The following MAGI2 variants were observed in gnomAD, a reference collection of about 807,000 sequenced individuals.
The protein encoded by MAGI2 is membrane associated guanylate kinase, WW and PDZ domain containing 2.
A neutral mutation model predicts 133.3 loss-of-function variants in MAGI2; 35 were observed. The observed-to-expected ratio is 0.26, with a 90% CI of 0.20 to 0.35. MAGI2 has a LOEUF of 0.35. Ranked by LOEUF, MAGI2 falls within the 10% of genes least tolerant of loss-of-function variation. The probability of loss-of-function intolerance (pLI) is 1.00; values close to 1 mark genes in which losing one functional copy is unlikely to be tolerated. For missense variants in MAGI2, 1,636 were observed against 1,863.4 expected, an observed-to-expected ratio of 0.88 and a Z score of 2.25; for synonymous variants, 729 against 710.6, an observed-to-expected ratio of 1.03 and a Z score of -0.41.
chr7:78,391,147 C>T (rs1266955410), intron 6 of MAGI2, among the ~76,000 whole-genome samples: 2 of 152,216 alleles, frequency 1.3e-5, no homozygotes, highest in Non-Finnish European at 2.9e-5. Context: ...CTCTGAAATT[C>T]TCTCCACATC....
In MAGI2 at chr7:78,132,973, G is replaced by A. The variant is rs1445126602; in HGVS notation, c.3119C>T (p.Ala1040Val). 6.2e-7 allele frequency: 1 copy of A among 1,612,780 alleles called. No individual in the cohort carries two copies. Among genetic ancestry groups the A allele is most frequent in the Non-Finnish European group, 8.5e-7 (1 of 1,179,626 alleles). ...QSPLAQQSPL[A>V]QPSPATPNSP... ...GTTGGGGGTGGCTGGGCTTGGCTGG[G>A]CCAGGGGACTCTGCTGTGCCAGGGG... The change falls in exon 18 of 22, where the codon GCC becomes GTC. Residue 1040 changes from alanine (A) to valine (V), a missense_variant. This residue lies in a region of MAGI2 where 920 missense variants were observed against 1,093.5 expected (regional missense o/e 0.84). Coordinates refer to ENST00000354212, the MANE Select transcript of MAGI2 (RefSeq NM_012301.4).
intron 1 of MAGI2, among the ~76,000 whole-genome samples, chr7:79,345,464 A>G (rs973848072): frequency 6.6e-6 from 1 of 152,046 alleles, no homozygotes; most frequent in South Asian, 2.1e-4. Flanking sequence ...AAGCCACTCA[A>G]TTGTGGTACT....
intron 1 of MAGI2, among the ~76,000 whole-genome samples, chr7:79,234,092 T>A (rs1831643059): frequency 7.1e-6 from 1 of 141,212 alleles, no homozygotes; most frequent in Non-Finnish European, 1.5e-5. Context: ...GGGTTGAAAA[T>A]TCTTTTCTTT....
At chr7:78,306,979 T>G (rs1562794499) in intron 9 of MAGI2, among the ~76,000 whole-genome samples, 1 of 152,130 alleles carries the variant, frequency 6.6e-6, no homozygotes. Context: ...AAACCATCAT[T>G]GCCATTATTT....
intron 2 of MAGI2, among the ~76,000 whole-genome samples, chr7:78,901,695 G>T (rs987420506): frequency 3.8e-4 from 57 of 151,998 alleles, no homozygotes; most frequent in African/African-American, 1.3e-3. Context: ...AAGTAAAAGG[G>T]CTTCTATTCA....
chr7:78,129,342 A>C (rs1821312049), intron 18 of MAGI2, among the ~76,000 whole-genome samples: 1 of 143,232 alleles, frequency 7.0e-6, no homozygotes, highest in Admixed American at 7.0e-5. Flanking sequence ...TAAATTTTTT[A>C]TGAGTGTTGC....
chr7:78,462,760 G>C (rs757133713), intron 6 of MAGI2, among the ~76,000 whole-genome samples: 1 of 152,144 alleles, frequency 6.6e-6, no homozygotes, highest in Non-Finnish European at 1.5e-5. Flanking sequence ...AAATTGTAAT[G>C]CTGCTGTGTG....
At chr7:78,786,418 C>T (rs1423836485) in intron 2 of MAGI2, among the ~76,000 whole-genome samples, 1 of 152,194 alleles carries the variant, frequency 6.6e-6, no homozygotes, top group Non-Finnish European at 1.5e-5. Flanking sequence ...CAAAGAGTTC[C>T]TATTTCATTC....
At chr7:78,301,668 T>G (rs1426136216) in intron 9 of MAGI2, among the ~76,000 whole-genome samples, 1 of 152,208 alleles carries the variant, frequency 6.6e-6, no homozygotes, top group Non-Finnish European at 1.5e-5. Context: ...ATTGGAAACT[T>G]TTCTTTTTTT....
At chr7:79,386,538 G>A (rs966599397) in intron 1 of MAGI2, among the ~76,000 whole-genome samples, 6 of 151,948 alleles carry the variant, frequency 3.9e-5, no homozygotes, top group Non-Finnish European at 7.4e-5. Context: ...TAACTAACAG[G>A]TGGGGCTGAT....
chr7:78,514,502 A>G (rs1413580559), intron 4 of MAGI2, among the ~76,000 whole-genome samples: 4 of 152,184 alleles, frequency 2.6e-5, no homozygotes, highest in African/African-American at 7.2e-5. Context: ...TTCCCATTCA[A>G]TGGAGAGATA....
chr7:78,788,051 A>G (rs968986337), intron 2 of MAGI2, among the ~76,000 whole-genome samples: 1 of 152,180 alleles, frequency 6.6e-6, no homozygotes, highest in African/African-American at 2.4e-5. Flanking sequence ...ATGCCAAGGC[A>G]CAGACATGCC....
At chr7:78,510,175 T>A (rs1240472643) in intron 4 of MAGI2, among the ~76,000 whole-genome samples, 1 of 152,204 alleles carries the variant, frequency 6.6e-6, no homozygotes, top group Admixed American at 6.5e-5. Flanking sequence ...AATTCCCCGA[T>A]AACAACAGTC....
At position 78,270,580 on chromosome 7, in the gene MAGI2, T is replaced by G. The variant is rs1045627364; in HGVS notation, c.1409-13999A>C. 3.3e-5 allele frequency among the ~76,000 whole-genome samples: 5 copies of G among 152,184 alleles called. No individual in the cohort carries two copies. The South Asian group carries it at 6.2e-4, about 19-fold the overall frequency. ...TCTCTGTTTGTCTGTTATTGGTGTA[T>G]AGGAATGCTTGTGATTTTTGCACAT... On this transcript the variant is annotated intron_variant, in intron 9 of 21. Coordinates refer to ENST00000354212, the MANE Select transcript of MAGI2 (RefSeq NM_012301.4).
intron 2 of MAGI2, among the ~76,000 whole-genome samples, chr7:78,651,615 A>C (rs949541402): frequency 6.6e-6 from 1 of 152,158 alleles, no homozygotes; most frequent in Non-Finnish European, 1.5e-5. Context: ...AAGAATTAGC[A>C]TTCTATCCTA....
At chr7:78,734,364 A>G (rs1307443341) in intron 2 of MAGI2, among the ~76,000 whole-genome samples, 2 of 152,206 alleles carry the variant, frequency 1.3e-5, no homozygotes, top group African/African-American at 4.8e-5. Flanking sequence ...AGAAGGAAGC[A>G]CTAAAACCTG....
intron 1 of MAGI2, among the ~76,000 whole-genome samples, chr7:79,427,795 G>A (rs1174956316): frequency 1.3e-5 from 2 of 152,160 alleles, no homozygotes; most frequent in Non-Finnish European, 2.9e-5. Context: ...GCCATTTTAG[G>A]CAGGTGAATT....
At chr7:79,220,476 C>T (rs1014984535) in intron 1 of MAGI2, among the ~76,000 whole-genome samples, 31 of 151,954 alleles carry the variant, frequency 2.0e-4, no homozygotes, top group African/African-American at 7.5e-4. Context: ...CATACACTGA[C>T]CTCTCCTGTC....
chr7:78,119,556 T>G (rs1820217271), intron 20 of MAGI2, among the ~76,000 whole-genome samples: 1 of 26,102 alleles, frequency 3.8e-5, no homozygotes, highest in Non-Finnish European at 6.5e-5. Flanking sequence ...GTGAGACTCC[T>G]CAAAAAAAAA....
Sources: allele counts gnomAD v4.1 joint callset (sites outside exome capture counted in the v4.1 genomes callset), GRCh38; gene constraint gnomAD v4.1.1; regional missense constraint gnomAD v4.1.1; transcripts MANE v1.5; gene names NCBI Gene and HGNC (gene_info 2026-07-23, HGNC 2026-07-21).